The following PLEKHF2 variants were observed in gnomAD, a reference collection of about 807,000 sequenced individuals.
PLEKHF2 encodes the protein pleckstrin homology domain-containing family F member 2.
Under a neutral mutation model 14.7 loss-of-function variants are expected in PLEKHF2, and 4 were observed. The ratio of observed to expected loss-of-function variants is 0.27; its 90% CI spans 0.13 to 0.62. The LOEUF is 0.62. Ranked by LOEUF, PLEKHF2 falls within the 20% of genes least tolerant of loss-of-function variation. The probability of loss-of-function intolerance (pLI) is 0.85; values close to 1 mark genes in which losing one functional copy is unlikely to be tolerated. For missense variants in PLEKHF2, 201 were observed against 307.7 expected (o/e 0.65, Z 2.60); for synonymous variants, 90 against 103.5 (o/e 0.87, Z 0.79).
intron 1 of PLEKHF2, among the ~76,000 whole-genome samples, chr8:95,143,570 C>T (rs939791415): frequency 2.5e-4 from 38 of 152,104 alleles, no homozygotes; most frequent in African/African-American, 7.5e-4. Context: ...GTGAGGCTAT[C>T]GAACTGAGTG....
chr8:95,139,715 C>T (rs985555712), intron 1 of PLEKHF2, among the ~76,000 whole-genome samples: 2 of 152,012 alleles, frequency 1.3e-5, no homozygotes, highest in Non-Finnish European at 2.9e-5. Flanking sequence ...GCCACACCCC[C>T]TCCACCCCCT....
At chr8:95,143,796 T>A (rs1810462436) in intron 1 of PLEKHF2, among the ~76,000 whole-genome samples, 1 of 152,218 alleles carries the variant, frequency 6.6e-6, no homozygotes, top group South Asian at 2.1e-4. Flanking sequence ...AATACCAAGT[T>A]AAGGATTTTA....
chr8:95,136,658 C>G (rs1810379459), intron 1 of PLEKHF2, among the ~76,000 whole-genome samples: 1 of 152,138 alleles, frequency 6.6e-6, no homozygotes, highest in South Asian at 2.1e-4. Flanking sequence ...ATAGCTCTAT[C>G]AATTATTGTT....
At chr8:95,135,525 T>C (rs1463537221) in intron 1 of PLEKHF2, among the ~76,000 whole-genome samples, 1 of 152,168 alleles carries the variant, frequency 6.6e-6, no homozygotes, top group Non-Finnish European at 1.5e-5. Context: ...CTCGGCCTCC[T>C]GAGTAGTTAG....
intron 1 of PLEKHF2, among the ~76,000 whole-genome samples, chr8:95,142,801 A>G (rs1810452854): frequency 6.6e-6 from 1 of 152,214 alleles, no homozygotes; most frequent in Non-Finnish European, 1.5e-5. Flanking sequence ...CTCAATACTT[A>G]GAATTTTTAA....
Position 95,154,603 on chromosome 8 carries a change from T to G in PLEKHF2, c.559T>G (p.Ser187Ala). The G allele has an allele frequency of 6.2e-7, 1 of 1,614,162 alleles. No homozygotes were observed. The highest frequency in any genetic ancestry group is 8.5e-7 in the Non-Finnish European group (1 of 1,180,012). Reference sequence around the variant, plus strand: ...TGGTTTTGTTGTCTGTGGGCCCTGCTCTGAAAAGAGATTTCTTCTTCCCAG... The same window carrying G: ...TGGTTTTGTTGTCTGTGGGCCCTGCGCTGAAAAGAGATTTCTTCTTCCCAG... The part of the protein sequence containing the change: ...KCGFVVCGPC[S>A]EKRFLLPSQS... The change falls in exon 2 of 2, where the codon TCT becomes GCT. Residue 187 changes from serine (S) to alanine (A), a missense_variant. Coordinates refer to ENST00000315367, the MANE Select transcript of PLEKHF2 (RefSeq NM_024613.4). The surrounding 1 kb of genome is among the most constrained non-coding windows in gnomAD (Gnocchi z 5.6).
intron 1 of PLEKHF2, chr8:95,134,435 C>G (rs1202646811): frequency 6.6e-6 from 1 of 152,070 alleles, no homozygotes; most frequent in Non-Finnish European, 1.5e-5. Context: ...GGGTCCTGGA[C>G]ACGGCCGGGG....
chr8:95,154,859 A>G lies in PLEKHF2; in HGVS notation c.*65A>G, dbSNP rs1810599081. 3 of 1,558,104 alleles carry G rather than the reference A, an allele frequency of 1.9e-6. No homozygotes were observed. The South Asian group carries it at 3.5e-5, about 18-fold the overall frequency. ...AGAAATCAACTTTGGGGGAAATGTAAGATTCTGAGCTCTCTCTCTGTTTTG... is the reference window on the plus strand; with the variant it reads ...AGAAATCAACTTTGGGGGAAATGTAGGATTCTGAGCTCTCTCTCTGTTTTG... On this transcript the variant is annotated 3_prime_UTR_variant, in exon 2 of 2. Coordinates refer to ENST00000315367, the MANE Select transcript of PLEKHF2 (RefSeq NM_024613.4). The surrounding 1 kb of genome is among the most constrained non-coding windows in gnomAD (Gnocchi z 5.6).
intron 1 of PLEKHF2, among the ~76,000 whole-genome samples, chr8:95,145,054 A>T (rs1336458583): frequency 6.6e-6 from 1 of 152,140 alleles, no homozygotes; most frequent in Non-Finnish European, 1.5e-5. Flanking sequence ...TGCTGGGTAA[A>T]TGTTAACTTC....
At chr8:95,141,081 C>T (rs1362553205) in intron 1 of PLEKHF2, among the ~76,000 whole-genome samples, 2 of 152,114 alleles carry the variant, frequency 1.3e-5, no homozygotes, top group Non-Finnish European at 2.9e-5. Flanking sequence ...ATCTTCTGTC[C>T]TTTAATACTG....
intron 1 of PLEKHF2, among the ~76,000 whole-genome samples, chr8:95,140,109 T>G (rs1810424992): frequency 6.6e-6 from 1 of 152,178 alleles, no homozygotes; most frequent in Admixed American, 6.5e-5. Flanking sequence ...CGCAGATGTG[T>G]TTGTCTTGTG....
Position 95,154,492 on chromosome 8 carries a change from G to A in PLEKHF2, c.448G>A (p.Val150Ile). 1 of 1,614,164 alleles carries A rather than the reference G, an allele frequency of 6.2e-7. No homozygotes were observed. The highest frequency in any genetic ancestry group is 1.3e-5 in the African/African-American group (1 of 75,034). Residue 150 changes from valine (V) to isoleucine (I), a missense_variant, in exon 2 of 2, where the codon GTT becomes ATT. Coordinates refer to ENST00000315367, the MANE Select transcript of PLEKHF2 (RefSeq NM_024613.4). This position sits in a 1 kb window ranked among gnomAD's most constrained non-coding sequence, Gnocchi z 5.6. ...CAGTAATGAACATGCTGCTGTCTGGGTTCCTGACTCTGAGGCAACTGTATG... is the reference window on the plus strand; with the variant it reads ...CAGTAATGAACATGCTGCTGTCTGGATTCCTGACTCTGAGGCAACTGTATG... ...TPSNEHAAVW[V>I]PDSEATVCMR...
intron 1 of PLEKHF2, among the ~76,000 whole-genome samples, chr8:95,148,787 A>C (rs1810528268): frequency 6.6e-6 from 1 of 152,144 alleles, no homozygotes; most frequent in Admixed American, 6.5e-5. Context: ...TGAAAAGCAA[A>C]AAAGTATTTT....
chr8:95,145,646 G>A (rs113123294), intron 1 of PLEKHF2, among the ~76,000 whole-genome samples: 28 of 152,102 alleles, frequency 1.8e-4, no homozygotes, highest in South Asian at 6.2e-4. Context: ...GGATGGTCTC[G>A]ATCTCCTGAC....
intron 1 of PLEKHF2, among the ~76,000 whole-genome samples, chr8:95,140,699 T>A (rs980648949): frequency 1.3e-5 from 2 of 152,208 alleles, no homozygotes; most frequent in African/African-American, 4.8e-5. Flanking sequence ...CAGCTTGAAT[T>A]TCTGGTCCTT....
Position 95,156,258 on chromosome 8 carries a change from C to A in PLEKHF2, c.*1464C>A, listed in dbSNP as rs751482927. 1 of 166,738 alleles carries A rather than the reference C, an allele frequency of 6.0e-6. No homozygotes were observed. Among genetic ancestry groups the A allele is most frequent in the Non-Finnish European group, 1.5e-5 (1 of 68,042 alleles). The allele number at this position is 166,738 out of a possible 1,614,324, so 10.3% of individuals were successfully genotyped here. ...AAAAAATCTTCAAATCTGAATATAC[C>A]GCAAATGTCATGAGAAGTTTGATTC... On this transcript the variant is annotated 3_prime_UTR_variant, in exon 2 of 2. Coordinates refer to ENST00000315367, the MANE Select transcript of PLEKHF2 (RefSeq NM_024613.4).
In PLEKHF2 at chr8:95,156,485, T is replaced by C; in HGVS notation, c.*1691T>C. The C allele has an allele frequency of 6.0e-6, 1 of 167,146 alleles. No homozygotes were observed. 10.4% of individuals were successfully genotyped at this position (167,146 alleles called of 1,614,324 possible). A position where few individuals can be genotyped will look rare whatever the true frequency, so the allele number is the denominator to read the frequency against. ...TTGGTTTGTTTTAATATCAGGTGGA[T>C]TTTTGTTTCTAAGCAATATATACAT... is the stretch of plus-strand genomic sequence containing the variant. On this transcript the variant is annotated 3_prime_UTR_variant, in exon 2 of 2. Coordinates refer to ENST00000315367, the MANE Select transcript of PLEKHF2 (RefSeq NM_024613.4).
chr8:95,147,994 A>C (rs79226605), intron 1 of PLEKHF2, among the ~76,000 whole-genome samples: 3,440 of 152,084 alleles, frequency 0.023, 53 homozygotes, highest in Middle Eastern at 0.041. Flanking sequence ...TGAGTCTTCA[A>C]ATGATGATTT....
intron 1 of PLEKHF2, among the ~76,000 whole-genome samples, chr8:95,143,212 G>T (rs1394428791): frequency 6.6e-6 from 1 of 150,960 alleles, no homozygotes; most frequent in Non-Finnish European, 1.5e-5. Flanking sequence ...CCATTCTCCT[G>T]CCTCAGCCTC....
Sources: allele counts gnomAD v4.1 joint callset (sites outside exome capture counted in the v4.1 genomes callset), GRCh38; gene constraint gnomAD v4.1.1; non-coding constraint Gnocchi (gnomAD v3.1); transcripts MANE v1.5; gene names NCBI Gene and HGNC (gene_info 2026-07-23, HGNC 2026-07-21).